The following GPHN variants were observed in gnomAD, a reference collection of about 807,000 sequenced individuals.
GPHN encodes the protein gephyrin.
In GPHN, 17 loss-of-function variants were observed where a neutral mutation model predicts 95.5. That is an observed-to-expected ratio of 0.18 (90% CI 0.12 to 0.27). GPHN has a LOEUF of 0.27. Among genes scored for constraint, GPHN ranks in the 10% least tolerant of loss-of-function variants. The probability of loss-of-function intolerance (pLI) is 1.00; values close to 1 mark genes in which losing one functional copy is unlikely to be tolerated. For synonymous variants in GPHN, 320 were observed against 322.5 expected, an observed-to-expected ratio of 0.99 and a Z score of 0.08; for missense variants, 660 against 978.1, an observed-to-expected ratio of 0.67 and a Z score of 4.34.
chr14:67,414,567 C>T, the GPHN span, among the ~76,000 whole-genome samples: 2 of 152,220 alleles, frequency 1.3e-5, no homozygotes, highest in Non-Finnish European at 1.5e-5. Flanking sequence ...GCCCTCTCAG[C>T]TCCTCCCCTT....
the GPHN span, among the ~76,000 whole-genome samples, chr14:67,558,555 G>T: frequency 6.6e-6 from 1 of 152,156 alleles, no homozygotes; most frequent in Non-Finnish European, 1.5e-5. Context: ...GGGGGTTGGT[G>T]GACAAAATGA....
At chr14:66,797,725 G>A (rs2060209150) in intron 3 of GPHN, among the ~76,000 whole-genome samples, 1 of 151,842 alleles carries the variant, frequency 6.6e-6, no homozygotes, top group Non-Finnish European at 1.5e-5. Flanking sequence ...GTTTTCTTGT[G>A]TAGTCTTTAG....
the GPHN span, chr14:67,393,046 C>G: frequency 2.0e-6 from 2 of 976,498 alleles, no homozygotes; most frequent in Admixed American, 3.5e-5. Context: ...TGTTGCCCAG[C>G]AGGCAGCTCT....
At chr14:67,222,859 A>G in the GPHN span, among the ~76,000 whole-genome samples, 1 of 152,196 alleles carries the variant, frequency 6.6e-6, no homozygotes, top group Admixed American at 6.5e-5. Flanking sequence ...AAGAGAAAAA[A>G]AAAATACTGC....
the GPHN span, among the ~76,000 whole-genome samples, chr14:67,313,975 TA>T: frequency 7.0e-3 from 1,008 of 143,308 alleles, 3 homozygotes; most frequent in African/African-American, 0.016. Context: ...AAACAAAAAT[TA>T]AAAAAAAAAA....
At chr14:66,875,575 A>T (rs1250268539) in intron 4 of GPHN, among the ~76,000 whole-genome samples, 1 of 152,228 alleles carries the variant, frequency 6.6e-6, no homozygotes, top group Non-Finnish European at 1.5e-5. Context: ...TAGCAAGCAA[A>T]TGGAAAGCAA....
At chr14:67,190,826 G>GA in the GPHN span, among the ~76,000 whole-genome samples, 1 of 152,190 alleles carries the variant, frequency 6.6e-6, no homozygotes, top group Non-Finnish European at 1.5e-5. Context: ...AGAATCTTGG[G>GA]AAAAATCACC....
intron 5 of GPHN, among the ~76,000 whole-genome samples, chr14:66,900,662 T>G (rs975732401): frequency 6.6e-6 from 1 of 152,022 alleles, no homozygotes; most frequent in Non-Finnish European, 1.5e-5. Flanking sequence ...TGTGCTTGCC[T>G]TGTTTCATTT....
intron 1 of GPHN, among the ~76,000 whole-genome samples, chr14:66,641,725 T>C (rs2064424557): frequency 6.6e-6 from 1 of 151,738 alleles, no homozygotes; most frequent in African/African-American, 2.4e-5. Context: ...TTTACAACTA[T>C]ATAACATTTC....
intron 11 of GPHN, among the ~76,000 whole-genome samples, chr14:67,062,381 C>G: frequency 6.6e-6 from 1 of 152,368 alleles, no homozygotes; most frequent in South Asian, 2.1e-4. Flanking sequence ...TGCAAACACT[C>G]TAACACCTGC....
intron 11 of GPHN, among the ~76,000 whole-genome samples, chr14:67,065,303 T>A (rs1358285713): frequency 6.6e-6 from 1 of 152,204 alleles, no homozygotes; most frequent in African/African-American, 2.4e-5. Context: ...AGAGACAGTA[T>A]GTTGTGATTT....
rs191353265 is a variant in GPHN, at chr14:66,542,301, T to C, written c.64+33710T>C. ...TTCATATTGTATTTTCCTAGATTGT[T>C]TATTCTTCTATTTTCTTAGATGACT... On this transcript the variant is annotated intron_variant, in intron 1 of 22. Transcript: ENST00000478722. 6.9e-4 allele frequency among the ~76,000 whole-genome samples: 105 copies of C among 152,248 alleles called. 5 individuals are homozygous for C. The highest frequency in any genetic ancestry group is 4.4e-5 in the Non-Finnish European group (3 of 67,986).
At chr14:66,627,689 A>G (rs893683007) in intron 1 of GPHN, among the ~76,000 whole-genome samples, 3 of 152,122 alleles carry the variant, frequency 2.0e-5, no homozygotes, top group African/African-American at 4.8e-5. Context: ...GAGGTTTCAC[A>G]AAGACTTGAT....
At chr14:67,161,171 C>G in intron 19 of GPHN, among the ~76,000 whole-genome samples, 1 of 152,054 alleles carries the variant, frequency 6.6e-6, no homozygotes, top group Non-Finnish European at 1.5e-5. Context: ...GCTTGTGCCT[C>G]TAGTCCCAGC....
intron 1 of GPHN, among the ~76,000 whole-genome samples, chr14:66,643,639 G>A (rs2064566684): frequency 6.6e-6 from 1 of 151,862 alleles, no homozygotes; most frequent in African/African-American, 2.4e-5. Context: ...AATGCCTATG[G>A]TATGATTCAT....
chr14:66,919,922 C>T (rs2066121388), intron 6 of GPHN, among the ~76,000 whole-genome samples: 1 of 151,996 alleles, frequency 6.6e-6, no homozygotes, highest in Non-Finnish European at 1.5e-5. Flanking sequence ...AAAAAACTAG[C>T]CAGGCGTGGT....
chr14:67,658,550 T>C, the GPHN span, among the ~76,000 whole-genome samples: 3 of 152,162 alleles, frequency 2.0e-5, no homozygotes, highest in East Asian at 5.8e-4. Flanking sequence ...TGAGCCGAGA[T>C]TGCGCCACTG....
At chr14:67,208,585 T>A in the GPHN span, 1 of 964,156 alleles carries the variant, frequency 1.0e-6, no homozygotes, top group African/African-American at 1.7e-5. Flanking sequence ...TGAATGATGA[T>A]ATAGTCAACT....
the GPHN span, among the ~76,000 whole-genome samples, chr14:67,420,094 A>G: frequency 1.2e-4 from 19 of 152,294 alleles, no homozygotes; most frequent in African/African-American, 4.3e-4. Context: ...AGCCCTCCTT[A>G]GGGAAGGGCC....
Sources: gnomAD v4.1 joint callset for allele counts (sites outside exome capture counted in the v4.1 genomes callset) on GRCh38, gnomAD v4.1.1 for gene constraint, MANE v1.5 for transcripts, NCBI Gene and HGNC (gene_info 2026-07-23, HGNC 2026-07-21) for gene names.